SNX4: variants seen among roughly 807,000 people sequenced by gnomAD.
SNX4 encodes sorting nexin 4.
In SNX4, 49 loss-of-function variants were observed where a neutral mutation model predicts 70.8. The observed-to-expected ratio is 0.69, with a 90% confidence interval of 0.55 to 0.88. The LOEUF (loss-of-function observed/expected upper bound fraction) is 0.88, where lower values mean the gene tolerates loss of function less well. Ranked by LOEUF, SNX4 falls within the 40% of genes least tolerant of loss-of-function variation. The probability of loss-of-function intolerance (pLI) is 0.00; values close to 1 mark genes in which losing one functional copy is unlikely to be tolerated. For synonymous variants in SNX4, 206 were observed against 183.8 expected (o/e 1.12, Z -0.98); for missense variants, 528 against 544.8 (o/e 0.97, Z 0.31).
intron 2 of SNX4, among the ~76,000 whole-genome samples, chr3:125,503,582 T>G (rs1934978835): frequency 6.6e-6 from 1 of 152,204 alleles, no homozygotes; most frequent in South Asian, 2.1e-4. Flanking sequence ...TGTTTCTGTT[T>G]GTTAATTTTT....
chr3:125,488,526 T>A (rs1393222418), intron 6 of SNX4, among the ~76,000 whole-genome samples: 1 of 152,118 alleles, frequency 6.6e-6, no homozygotes, highest in Non-Finnish European at 1.5e-5. Context: ...CACAACCTCC[T>A]AATTACCAAA....
intron 5 of SNX4, among the ~76,000 whole-genome samples, chr3:125,492,937 C>T (rs1934695883): frequency 6.6e-6 from 1 of 152,118 alleles, no homozygotes; most frequent in African/African-American, 2.4e-5. Flanking sequence ...TATGAATCAG[C>T]CTAAATTCAT....
chr3:125,464,732 C>T (rs1182282260), intron 9 of SNX4, among the ~76,000 whole-genome samples: 2 of 151,640 alleles, frequency 1.3e-5, no homozygotes, highest in Admixed American at 1.3e-4. Context: ...CCACCACTCC[C>T]TGCTAATTTT....
At chr3:125,475,854 T>C (rs975980545) in intron 8 of SNX4, among the ~76,000 whole-genome samples, 1 of 152,076 alleles carries the variant, frequency 6.6e-6, no homozygotes, top group African/African-American at 2.4e-5. Context: ...GATGTGTGTC[T>C]GTGGTCTCAG....
chr3:125,470,489 TAAAAAAA>T (rs371640854), intron 8 of SNX4, among the ~76,000 whole-genome samples: 3 of 139,142 alleles, frequency 2.2e-5, no homozygotes, highest in Non-Finnish European at 4.7e-5. Flanking sequence ...CCTAAAAAGT[TAAAAAAA>T]AAAAAACAAA....
chr3:125,448,899 G>A (rs531702931), intron 13 of SNX4, among the ~76,000 whole-genome samples: 12 of 151,488 alleles, frequency 7.9e-5, no homozygotes, highest in Admixed American at 4.6e-4. Flanking sequence ...GGATGGTGTC[G>A]ATCTCCTGAC....
At chr3:125,506,178 C>G (rs1465729230) in intron 1 of SNX4, among the ~76,000 whole-genome samples, 1 of 152,050 alleles carries the variant, frequency 6.6e-6, no homozygotes, top group Non-Finnish European at 1.5e-5. Flanking sequence ...CACATTATTA[C>G]ATGCAAATGC....
rs1440065671 is a variant in SNX4, at chr3:125,457,312, T to C, written c.998A>G (p.Gln333Arg). The stretch of plus-strand genomic sequence containing the variant: ...CTGCTGCTTCTTGGATGCTAAGTCC[T>C]GAGCAGCCATCTCCAAGTCATACTG... Reference protein sequence around the residue: ...LMQYDLEMAAQDLASKKQQCE... With the variant: ...LMQYDLEMAARDLASKKQQCE... Residue 333 changes from glutamine to arginine, a missense_variant, in exon 11 of 14, where the codon CAG (glutamine) becomes CGG (arginine). Gln to Arg is a conservative substitution (Grantham distance 43, BLOSUM62 1). Transcript: ENST00000251775. 4 of 1,613,986 alleles carry C rather than the reference T, an allele frequency of 2.5e-6. No homozygotes were observed. In the African/African-American group the frequency reaches 5.3e-5, roughly 22 times the overall value.
At chr3:125,519,898 C>T in intron 1 of SNX4, 134 bp downstream of exon 1, 1 of 789,736 alleles carries the variant, frequency 1.3e-6, no homozygotes, top group Non-Finnish European at 1.8e-6. Flanking sequence ...CTTTCCACCT[C>T]GCTCCCCCTC....
chr3:125,494,438 C>T lies in SNX4; in HGVS notation c.597+2903G>A, dbSNP rs114859315. Among the ~76,000 whole-genome samples the T allele has an allele frequency of 6.3e-3, 966 of 152,224 alleles. 10 individuals are homozygous for T. Among genetic ancestry groups the T allele is most frequent in the Middle Eastern group, 0.027 (8 of 294 alleles). On this transcript the variant is annotated intron_variant, in intron 5 of 13. Coordinates refer to ENST00000251775, the MANE Select transcript of SNX4 (RefSeq NM_003794.4). ...GGAATATTAACTCACCTCAAAGGTACTGAGGCAATATTGAGCAAAATAAAC... is the reference window on the plus strand; with the variant it reads ...GGAATATTAACTCACCTCAAAGGTATTGAGGCAATATTGAGCAAAATAAAC...
intron 1 of SNX4, among the ~76,000 whole-genome samples, chr3:125,515,682 A>C (rs921735039): frequency 1.4e-5 from 2 of 140,400 alleles, no homozygotes; most frequent in South Asian, 2.3e-4. Flanking sequence ...AAAAAAAAAA[A>C]AGAAAATGTA....
At chr3:125,464,132 T>A (rs1479978608) in intron 9 of SNX4, among the ~76,000 whole-genome samples, 3 of 152,176 alleles carry the variant, frequency 2.0e-5, no homozygotes, top group African/African-American at 7.2e-5. Flanking sequence ...TCAGTGGTAT[T>A]AAGTATATAT....
chr3:125,482,961 A>G (rs549268029), intron 6 of SNX4, among the ~76,000 whole-genome samples: 17 of 152,226 alleles, frequency 1.1e-4, no homozygotes, highest in Non-Finnish European at 2.1e-4. Context: ...AAAACTTTGA[A>G]GGAATATAAA....
At chr3:125,480,387 A>C in intron 6 of SNX4, 68 bp from the exon 7 acceptor site, 1 of 967,190 alleles carries the variant, frequency 1.0e-6, no homozygotes, top group Non-Finnish European at 1.5e-6. Context: ...TGAAAGAAAA[A>C]AACAGTAGTT....
At position 125,496,349 on chromosome 3, in the gene SNX4, G is replaced by A. The variant is rs56110703; in HGVS notation, c.597+992C>T. Among the ~76,000 whole-genome samples the A allele has an allele frequency of 8.1e-3, 1,227 of 152,044 alleles. 20 individuals carry two copies. The highest frequency in any genetic ancestry group is 0.028 in the African/African-American group (1,145 of 41,450). ...ATTAGAATCAGTTTATGACAGAACT[G>A]GTTTATCATATTTTCTCTGCAGAAA... On this transcript the variant is annotated intron_variant, in intron 5 of 13. Coordinates refer to ENST00000251775, the MANE Select transcript of SNX4 (RefSeq NM_003794.4).
chr3:125,518,847 TAA>T (rs749467352), intron 1 of SNX4, among the ~76,000 whole-genome samples: 2 of 134,708 alleles, frequency 1.5e-5, no homozygotes, highest in Non-Finnish European at 1.6e-5. Flanking sequence ...TACTAAAAAC[TAA>T]AAAAAAAAAA....
chr3:125,469,356 T>C, intron 9 of SNX4, 98 bp downstream of exon 9: 1 of 792,874 alleles, frequency 1.3e-6, no homozygotes, highest in Non-Finnish European at 2.1e-6. Flanking sequence ...GCAATATAAA[T>C]GCCAGCAAAC....
chr3:125,496,055 TGAG>T, intron 5 of SNX4, among the ~76,000 whole-genome samples: 1 of 152,164 alleles, frequency 6.6e-6, no homozygotes, highest in Non-Finnish European at 1.5e-5. Flanking sequence ...TTCGGGAGGC[TGAG>T]GAGAGAGAAT....
intron 10 of SNX4, among the ~76,000 whole-genome samples, chr3:125,458,697 C>A (rs1227044934): frequency 6.6e-6 from 1 of 151,416 alleles, no homozygotes; most frequent in Non-Finnish European, 1.5e-5. Context: ...GCCTGTACTC[C>A]CAGCTACGCG....
Sources: allele counts gnomAD v4.1 joint callset (sites outside exome capture counted in the v4.1 genomes callset), GRCh38; gene constraint gnomAD v4.1.1; transcripts MANE v1.5; gene names NCBI Gene and HGNC (gene_info 2026-07-23, HGNC 2026-07-21).